The following CSMD1 variants were observed in gnomAD, a reference collection of about 807,000 sequenced individuals.
The protein encoded by CSMD1 is CUB and Sushi multiple domains 1.
In CSMD1, 213 loss-of-function variants were observed where a neutral mutation model predicts 417.5. The observed-to-expected ratio is 0.51, with a 90% CI of 0.46 to 0.57. CSMD1 has a LOEUF of 0.57. CSMD1 is among the 20% of genes least tolerant of loss of function. The pLI is 0.00. For missense variants in CSMD1, 6,923 were observed against 4,529.7 expected (o/e 1.53, Z -15.17); for synonymous variants, 2,862 against 1,736.8 (o/e 1.65, Z -16.11).
Position 3,772,167 on chromosome 8 carries a change from C to CATATATATATATATAT in CSMD1, c.819-18141_819-18126dup, listed in dbSNP as rs375018980. 1.2e-3 allele frequency among the ~76,000 whole-genome samples: 56 copies of CATATATATATATATAT among 44,866 alleles called. 2 individuals carry two copies. Among genetic ancestry groups the CATATATATATATATAT allele is most frequent in the African/African-American group, 3.6e-3 (49 of 13,628 alleles). 29.4% of individuals were successfully genotyped at this position (44,866 alleles called of 152,430 possible). ...CTCCTTGAATTCTCAGAAAGGGCAA[C>CATATATATATATATAT]ATATATATATATATATATATATACA... On this transcript the variant is annotated intron_variant, in intron 5 of 69. Coordinates refer to ENST00000635120, the MANE Select transcript of CSMD1 (RefSeq NM_033225.6).
chr8:4,006,958 G>C (rs1456494486), intron 4 of CSMD1, among the ~76,000 whole-genome samples: 2 of 150,670 alleles, frequency 1.3e-5, no homozygotes, highest in African/African-American at 4.9e-5. Flanking sequence ...CTCACGAGTA[G>C]CTGGGACTAC....
At chr8:4,033,726 G>C (rs1797475656) in intron 3 of CSMD1, among the ~76,000 whole-genome samples, 1 of 152,084 alleles carries the variant, frequency 6.6e-6, no homozygotes, top group Non-Finnish European at 1.5e-5. Flanking sequence ...TCTTTTCATT[G>C]ACAATTTCAA....
chr8:3,666,471 G>A (rs117366931), intron 7 of CSMD1, among the ~76,000 whole-genome samples: 168 of 114,440 alleles, frequency 1.5e-3, no homozygotes, highest in East Asian at 0.013. Flanking sequence ...ATTGATCCTT[G>A]CTGTTAACAT....
At position 3,005,584 on chromosome 8, in the gene CSMD1, G is replaced by A. The variant is rs28645429; in HGVS notation, c.8030-5453C>T. On this transcript the variant is annotated intron_variant, in intron 52 of 69. Transcript: ENST00000635120. ...AAAAGCTTATCCACCATGATCAAGTGGGCTTCATCCCTGGGATGCAAGGCT... is the reference window on the plus strand; with the variant it reads ...AAAAGCTTATCCACCATGATCAAGTAGGCTTCATCCCTGGGATGCAAGGCT... Among the ~76,000 whole-genome samples the A allele has an allele frequency of 5.6e-3, 858 of 152,188 alleles. 6 individuals are homozygous for A. Among genetic ancestry groups the A allele is most frequent in the African/African-American group, 0.02 (815 of 41,504 alleles).
At chr8:4,964,023 A>C (rs1007225401) in intron 1 of CSMD1, among the ~76,000 whole-genome samples, 2 of 151,732 alleles carry the variant, frequency 1.3e-5, no homozygotes, top group African/African-American at 2.4e-5. Flanking sequence ...AGAACATATA[A>C]AATTTCTTAT....
intron 5 of CSMD1, among the ~76,000 whole-genome samples, chr8:3,871,020 A>T (rs1438050417): frequency 6.6e-6 from 1 of 152,052 alleles, no homozygotes; most frequent in African/African-American, 2.4e-5. Context: ...TTTTAAAAAA[A>T]TTCAATACAT....
At chr8:2,941,247 C>T (rs1298687507) in intron 69 of CSMD1, among the ~76,000 whole-genome samples, 1 of 152,074 alleles carries the variant, frequency 6.6e-6, no homozygotes, top group Non-Finnish European at 1.5e-5. Flanking sequence ...AGCTAATACA[C>T]CTTTGAAGCA....
intron 25 of CSMD1, among the ~76,000 whole-genome samples, chr8:3,301,973 T>C (rs79076644): frequency 0.013 from 2,049 of 152,286 alleles, 42 homozygotes; most frequent in African/African-American, 0.046. Flanking sequence ...AGAAATCTCA[T>C]ATAATTTATC....
At chr8:3,375,889 A>C (rs1342345952) in intron 18 of CSMD1, among the ~76,000 whole-genome samples, 1 of 152,142 alleles carries the variant, frequency 6.6e-6, no homozygotes, top group East Asian at 1.9e-4. Flanking sequence ...ACCTCAGTTT[A>C]TAACCATTTC....
At chr8:4,581,147 T>C (rs1799398034) in intron 2 of CSMD1, among the ~76,000 whole-genome samples, 1 of 152,354 alleles carries the variant, frequency 6.6e-6, no homozygotes, top group South Asian at 2.1e-4. Context: ...TAGTCAAGGA[T>C]ACCATCTATG....
At chr8:3,838,262 A>T (rs1459335159) in intron 5 of CSMD1, among the ~76,000 whole-genome samples, 1 of 152,074 alleles carries the variant, frequency 6.6e-6, no homozygotes, top group Non-Finnish European at 1.5e-5. Flanking sequence ...AAGTCTGGGC[A>T]TAATGGCTCA....
intron 6 of CSMD1, among the ~76,000 whole-genome samples, chr8:3,741,398 G>A (rs557283637): frequency 3.9e-5 from 6 of 152,006 alleles, no homozygotes; most frequent in Admixed American, 6.6e-5. Flanking sequence ...GGCATATAGG[G>A]CCAGGTTATC....
chr8:3,413,532 T>C (rs967213640), intron 12 of CSMD1, among the ~76,000 whole-genome samples: 3 of 152,194 alleles, frequency 2.0e-5, no homozygotes, highest in African/African-American at 7.2e-5. Flanking sequence ...CTCAGTAGGT[T>C]TGTGTGTTTC....
intron 67 of CSMD1, among the ~76,000 whole-genome samples, chr8:2,949,965 C>A (rs1343469991): frequency 6.6e-6 from 1 of 152,018 alleles, no homozygotes; most frequent in Admixed American, 6.6e-5. Context: ...CATCATAGAC[C>A]CTGGATTTCA....
intron 33 of CSMD1, among the ~76,000 whole-genome samples, chr8:3,196,808 A>C (rs1796729798): frequency 6.6e-6 from 1 of 152,122 alleles, no homozygotes; most frequent in South Asian, 2.1e-4. Context: ...GAGTTGTGAG[A>C]GTTTCATTCC....
intron 3 of CSMD1, among the ~76,000 whole-genome samples, chr8:4,049,891 A>G (rs1277834320): frequency 3.0e-5 from 4 of 133,346 alleles, no homozygotes; most frequent in African/African-American, 5.9e-5. Context: ...CTTTTAAGTA[A>G]CGTTCGCTTT....
At chr8:3,428,933 G>C (rs944487920) in intron 12 of CSMD1, among the ~76,000 whole-genome samples, 2 of 152,194 alleles carry the variant, frequency 1.3e-5, no homozygotes, top group African/African-American at 2.4e-5. Context: ...AAGTGAGCCA[G>C]TGACAGAAAG....
chr8:3,153,995 C>A (rs1343339228), intron 39 of CSMD1, among the ~76,000 whole-genome samples: 1 of 152,168 alleles, frequency 6.6e-6, no homozygotes, highest in African/African-American at 2.4e-5. Flanking sequence ...AAGACAGAGT[C>A]TTGCCCTGTC....
At chr8:4,579,163 A>G (rs1799289162) in intron 2 of CSMD1, among the ~76,000 whole-genome samples, 1 of 152,012 alleles carries the variant, frequency 6.6e-6, no homozygotes, top group Non-Finnish European at 1.5e-5. Context: ...TGTGAGGAAT[A>G]TGTACACACT....
Sources: gnomAD v4.1 joint callset for allele counts (sites outside exome capture counted in the v4.1 genomes callset) on GRCh38, gnomAD v4.1.1 for gene constraint, MANE v1.5 for transcripts, NCBI Gene and HGNC (gene_info 2026-07-23, HGNC 2026-07-21) for gene names.